OXCT1: variants seen among roughly 807,000 people sequenced by gnomAD.
OXCT1 encodes the protein succinyl-CoA:3-ketoacid coenzyme A transferase 1, mitochondrial.
Under a neutral mutation model 69.6 loss-of-function variants are expected in OXCT1, and 27 were observed. The observed-to-expected ratio is 0.39, with a 90% CI of 0.29 to 0.54. OXCT1 has a LOEUF of 0.54. OXCT1 is among the 20% of genes least tolerant of loss of function. The pLI is 0.72. For synonymous variants in OXCT1, 202 were observed against 217.8 expected, an observed-to-expected ratio of 0.93 and a Z score of 0.64; for missense variants, 437 against 650.2, an observed-to-expected ratio of 0.67 and a Z score of 3.57.
At chr5:41,833,715 A>G (rs1015546232) in intron 7 of OXCT1, among the ~76,000 whole-genome samples, 3 of 152,202 alleles carry the variant, frequency 2.0e-5, no homozygotes, top group African/African-American at 7.2e-5. Context: ...ACATAGCACA[A>G]TAAGAAATTA....
chr5:41,765,224 T>C (rs912498870), intron 13 of OXCT1, among the ~76,000 whole-genome samples: 1 of 152,170 alleles, frequency 6.6e-6, no homozygotes, highest in African/African-American at 2.4e-5. Context: ...GGTGGCCATG[T>C]GCCTGAGTTC....
intron 7 of OXCT1, among the ~76,000 whole-genome samples, chr5:41,827,637 C>T (rs762682813): frequency 3.9e-5 from 6 of 152,178 alleles, no homozygotes; most frequent in Admixed American, 6.5e-5. Flanking sequence ...TCATCACTAA[C>T]CTTGGCTGTT....
intron 13 of OXCT1, among the ~76,000 whole-genome samples, chr5:41,783,965 T>C (rs770701895): frequency 3.3e-5 from 5 of 152,236 alleles, no homozygotes; most frequent in Non-Finnish European, 7.3e-5. Flanking sequence ...AGAAACTCTT[T>C]CACATTCTCA....
intron 14 of OXCT1, among the ~76,000 whole-genome samples, chr5:41,753,495 CA>C (rs2112067848): frequency 6.6e-6 from 1 of 152,250 alleles, no homozygotes; most frequent in Admixed American, 6.5e-5. Context: ...CATACCACCA[CA>C]TACCTCATCA....
At position 41,733,224 on chromosome 5, in the gene OXCT1, G is replaced by A. The variant is rs182691531; in HGVS notation, c.1522-1454C>T. On this transcript the variant is annotated intron_variant, in intron 16 of 16. Transcript: ENST00000196371. ...CTTTTTTTTAAACAACAGAGCATCTGTGGAAATAATTTAGTGAAACTTTTT... is the reference window on the plus strand; with the variant it reads ...CTTTTTTTTAAACAACAGAGCATCTATGGAAATAATTTAGTGAAACTTTTT... Among the ~76,000 whole-genome samples, 610 of 149,700 alleles carry A rather than the reference G, an allele frequency of 4.1e-3. 3 individuals are homozygous for A. Among genetic ancestry groups the A allele is most frequent in the African/African-American group, 0.014 (566 of 40,858 alleles).
At chr5:41,816,730 C>G (rs1241094189) in intron 7 of OXCT1, among the ~76,000 whole-genome samples, 1 of 152,124 alleles carries the variant, frequency 6.6e-6, no homozygotes, top group Non-Finnish European at 1.5e-5. Flanking sequence ...CTTAAGATCA[C>G]TATCTCTCCT....
intron 7 of OXCT1, among the ~76,000 whole-genome samples, chr5:41,831,937 G>C (rs1237625487): frequency 1.3e-5 from 2 of 152,152 alleles, no homozygotes; most frequent in Non-Finnish European, 2.9e-5. Flanking sequence ...ACATACCCAT[G>C]ATCTTTTCCT....
At chr5:41,837,825 G>C (rs1748442661) in intron 7 of OXCT1, among the ~76,000 whole-genome samples, 1 of 152,072 alleles carries the variant, frequency 6.6e-6, no homozygotes, top group African/African-American at 2.4e-5. Context: ...TTCCACCTAA[G>C]CTGTGTGACA....
Position 41,762,108 on chromosome 5 carries a change from T to TA in OXCT1, c.1338+2dup. The TA allele has an allele frequency of 6.2e-7, 1 of 1,602,720 alleles. No individual in the cohort carries two copies. Among genetic ancestry groups the TA allele is most frequent in the Non-Finnish European group, 8.5e-7 (1 of 1,169,812 alleles). Reference sequence around the variant, plus strand: ...AGTATTTGGGGAGCACAGTACATGTTACCTTTGCAGAATGCTCCATGGTGA... The same window carrying TA: ...AGTATTTGGGGAGCACAGTACATGTTAACCTTTGCAGAATGCTCCATGGTGA... On this transcript the variant is annotated splice_region_variant and intron_variant, in intron 14 of 16. Transcript: ENST00000196371. The surrounding 1 kb of genome is among the most constrained non-coding windows in gnomAD (Gnocchi z 4.0).
intron 3 of OXCT1, among the ~76,000 whole-genome samples, 160 bp downstream of exon 3, chr5:41,861,154 A>C (rs1749713636): frequency 6.6e-6 from 1 of 152,092 alleles, no homozygotes; most frequent in African/African-American, 2.4e-5. Flanking sequence ...CATTTGGATA[A>C]ATGTAACCAC....
intron 13 of OXCT1, among the ~76,000 whole-genome samples, chr5:41,766,728 T>G (rs575612011): frequency 6.6e-6 from 1 of 152,304 alleles, no homozygotes; most frequent in Non-Finnish European, 1.5e-5. Flanking sequence ...AAATCATTCT[T>G]GCCGTTACCT....
At position 41,858,569 on chromosome 5, in the gene OXCT1, C is replaced by T. The variant is rs76344823; in HGVS notation, c.278+2745G>A. ...ACCTGGGTTTCAAACATTTTGGTGA[C>T]TAGAAAAAGTCTAAGGCCAAGAATT... On this transcript the variant is annotated intron_variant, in intron 3 of 16. Transcript: ENST00000196371. Among the ~76,000 whole-genome samples the T allele has an allele frequency of 4.8e-3, 725 of 152,156 alleles. 3 individuals are homozygous for T. The highest frequency in any genetic ancestry group is 0.013 in the African/African-American group (550 of 41,510).
intron 1 of OXCT1, among the ~76,000 whole-genome samples, chr5:41,869,359 C>A (rs970454620): frequency 6.6e-6 from 1 of 152,314 alleles, no homozygotes; most frequent in Middle Eastern, 3.4e-3. Flanking sequence ...GCGATTGAGA[C>A]GGCGGGGATA....
intron 16 of OXCT1, 51 bp downstream of exon 16, chr5:41,739,339 C>G: frequency 8.4e-7 from 1 of 1,193,774 alleles, no homozygotes; most frequent in Non-Finnish European, 1.3e-6. Context: ...ACCCATTAAT[C>G]AAGCCTATAA....
intron 7 of OXCT1, among the ~76,000 whole-genome samples, chr5:41,838,973 G>A (rs995122360): frequency 6.6e-6 from 1 of 152,240 alleles, no homozygotes; most frequent in African/African-American, 2.4e-5. Flanking sequence ...AATTAGGAGT[G>A]GTTGCGCACA....
chr5:41,813,442 G>T (rs1013645208), intron 7 of OXCT1, among the ~76,000 whole-genome samples: 2 of 152,004 alleles, frequency 1.3e-5, no homozygotes, highest in Admixed American at 6.6e-5. Flanking sequence ...GTTTCTTTAG[G>T]TATAAAATCC....
At chr5:41,796,700 T>C (rs1407551793) in intron 11 of OXCT1, among the ~76,000 whole-genome samples, 1 of 152,208 alleles carries the variant, frequency 6.6e-6, no homozygotes, top group Non-Finnish European at 1.5e-5. Context: ...TACACAAAAT[T>C]GAAAAGTTTT....
chr5:41,859,030 C>T (rs1169984323), intron 3 of OXCT1, among the ~76,000 whole-genome samples: 1 of 152,134 alleles, frequency 6.6e-6, no homozygotes, highest in Non-Finnish European at 1.5e-5. Flanking sequence ...AAGTTTTGCA[C>T]CATTCTGAGT....
At chr5:41,843,457 C>G in intron 5 of OXCT1, 1 of 435,078 alleles carries the variant, frequency 2.3e-6, no homozygotes, top group Non-Finnish European at 4.7e-6. Flanking sequence ...ACATTTGCTC[C>G]TATCTACTCT....
Sources: gnomAD v4.1 joint callset for allele counts (sites outside exome capture counted in the v4.1 genomes callset) on GRCh38, gnomAD v4.1.1 for gene constraint, Gnocchi (gnomAD v3.1) non-coding constraint, MANE v1.5 for transcripts, NCBI Gene and HGNC (gene_info 2026-07-23, HGNC 2026-07-21) for gene names.